Variants in CHST9 observed in about 807,000 individuals in gnomAD.
CHST9 encodes the protein carbohydrate sulfotransferase 9, also known as GalNAc-4-sulfotransferase 2.
CHST9 carries 41 observed loss-of-function variants against 44.4 expected under a neutral mutation model. The observed-to-expected ratio is 0.92, with a 90% CI of 0.72 to 1.20. The LOEUF is 1.20. Ranked by LOEUF, CHST9 falls within the 50% of genes most tolerant of loss-of-function variation. The probability of loss-of-function intolerance (pLI) is 0.00; values close to 1 mark genes in which losing one functional copy is unlikely to be tolerated. For missense variants in CHST9, 504 were observed against 516.5 expected (o/e 0.98, Z 0.23); for synonymous variants, 171 against 178.4 (o/e 0.96, Z 0.33).
intron 2 of CHST9, among the ~76,000 whole-genome samples, chr18:27,089,451 G>C (rs1374564640): frequency 6.6e-6 from 1 of 152,128 alleles, no homozygotes; most frequent in African/African-American, 2.4e-5. Flanking sequence ...CCATGTCCCT[G>C]CAGAGGACAA....
chr18:26,994,372 TTG>T (rs149553721), intron 4 of CHST9, among the ~76,000 whole-genome samples: 1 of 151,626 alleles, frequency 6.6e-6, no homozygotes, highest in Non-Finnish European at 1.5e-5. Context: ...TTACTCTGTG[TTG>T]TGTGTGTGTG....
At chr18:27,165,282 T>A in intron 1 of CHST9, among the ~76,000 whole-genome samples, 1 of 152,128 alleles carries the variant, frequency 6.6e-6, no homozygotes. Context: ...TGCTATTAAC[T>A]TCAGGGAAAA....
intron 3 of CHST9, among the ~76,000 whole-genome samples, chr18:27,037,418 G>C (rs141185321): frequency 8.7e-4 from 132 of 152,306 alleles, no homozygotes; most frequent in African/African-American, 3.0e-3. Flanking sequence ...GCCTGGGCAT[G>C]GTGGCTCACG....
intron 1 of CHST9, among the ~76,000 whole-genome samples, chr18:27,168,576 T>G (rs984660072): frequency 2.0e-5 from 3 of 152,174 alleles, no homozygotes; most frequent in Non-Finnish European, 4.4e-5. Flanking sequence ...AGGGAAATTT[T>G]TGAAGGAGCA....
chr18:27,040,731 T>A (rs1398079346), intron 3 of CHST9, among the ~76,000 whole-genome samples: 1 of 152,182 alleles, frequency 6.6e-6, no homozygotes, highest in Non-Finnish European at 1.5e-5. Context: ...TTTAGAAGGT[T>A]TTAAGTTGCA....
intron 2 of CHST9, among the ~76,000 whole-genome samples, chr18:27,071,858 G>A (rs1033536842): frequency 6.6e-6 from 1 of 152,148 alleles, no homozygotes; most frequent in African/African-American, 2.4e-5. Context: ...ATCAATTATA[G>A]ACATCTTCAC....
intron 5 of CHST9, chr18:26,933,262 C>G: frequency 6.5e-6 from 1 of 153,466 alleles, no homozygotes; most frequent in Middle Eastern, 3.2e-3. Context: ...TAAATTAGTA[C>G]TTTTAACCAA....
At chr18:27,166,166 A>G (rs952989618) in intron 1 of CHST9, among the ~76,000 whole-genome samples, 1 of 152,066 alleles carries the variant, frequency 6.6e-6, no homozygotes, top group Non-Finnish European at 1.5e-5. Flanking sequence ...GGAAATCTCA[A>G]TCTGTATTTC....
At chr18:26,967,122 C>T (rs1190783823) in intron 4 of CHST9, among the ~76,000 whole-genome samples, 8 of 152,162 alleles carry the variant, frequency 5.3e-5, no homozygotes, top group Admixed American at 3.3e-4. Flanking sequence ...TCATGAAAGA[C>T]GTTTCCAATA....
chr18:27,043,694 C>G, intron 3 of CHST9, among the ~76,000 whole-genome samples: 1 of 152,050 alleles, frequency 6.6e-6, no homozygotes, highest in African/African-American at 2.4e-5. Flanking sequence ...GTCAATTTCT[C>G]TTCCAATCCA....
chr18:26,969,242 T>G (rs2056506861), intron 4 of CHST9, among the ~76,000 whole-genome samples: 1 of 152,078 alleles, frequency 6.6e-6, no homozygotes, highest in African/African-American at 2.4e-5. Context: ...GACCTTGTGA[T>G]CCACCCGCCT....
intron 2 of CHST9, among the ~76,000 whole-genome samples, chr18:27,064,764 T>G (rs527804507): frequency 6.6e-6 from 1 of 152,252 alleles, no homozygotes; most frequent in South Asian, 2.1e-4. Context: ...AGGACACTGC[T>G]TGGGGTGAGG....
chr18:26,922,253 G>C lies in CHST9; in HGVS notation c.241-4903C>G, dbSNP rs150732682. On this transcript the variant is annotated intron_variant, in intron 5 of 5. Coordinates refer to ENST00000618847, the MANE Select transcript of CHST9 (RefSeq NM_031422.6). ...TCATGGTCTCCTCCTTTCTTGGGACGTTCAAAATCTTCTAGTTTGATGTAA... is the reference window on the plus strand; with the variant it reads ...TCATGGTCTCCTCCTTTCTTGGGACCTTCAAAATCTTCTAGTTTGATGTAA... Among the ~76,000 whole-genome samples the C allele has an allele frequency of 3.2e-4, 48 of 152,172 alleles. No homozygotes were observed. The South Asian group carries it at 6.2e-3, about 20-fold the overall frequency.
chr18:27,039,064 G>T (rs926275542), intron 3 of CHST9, among the ~76,000 whole-genome samples: 6 of 152,138 alleles, frequency 3.9e-5, no homozygotes, highest in African/African-American at 1.4e-4. Context: ...ACACCAACAA[G>T]TAAATAATGA....
At chr18:26,938,884 T>C (rs746548613) in intron 5 of CHST9, among the ~76,000 whole-genome samples, 2 of 152,232 alleles carry the variant, frequency 1.3e-5, no homozygotes, top group Non-Finnish European at 2.9e-5. Flanking sequence ...ACCTTGTTCC[T>C]GCCTTATAAG....
At chr18:27,033,821 A>G (rs2057364549) in intron 3 of CHST9, among the ~76,000 whole-genome samples, 1 of 152,180 alleles carries the variant, frequency 6.6e-6, no homozygotes, top group South Asian at 2.1e-4. Context: ...ACCAAAACAG[A>G]GCCTATCTAA....
rs1015726293 is a variant in CHST9 at position 27,026,453 on chromosome 18, A to T, written c.161-2296T>A. On this transcript the variant is annotated intron_variant, in intron 3 of 5. Coordinates refer to ENST00000618847, the MANE Select transcript of CHST9 (RefSeq NM_031422.6). ...TGTAAGCATCGATTAAATGATAGGG[A>T]AATAAATACAATTTATTTTTTATCT... Among the ~76,000 whole-genome samples the T allele has an allele frequency of 3.4e-4, 52 of 152,198 alleles. 2 individuals carry two copies. The highest frequency in any genetic ancestry group is 2.9e-5 in the Non-Finnish European group (2 of 68,020).
At chr18:26,981,543 G>A (rs1317693540) in intron 4 of CHST9, among the ~76,000 whole-genome samples, 1 of 152,184 alleles carries the variant, frequency 6.6e-6, no homozygotes, top group Non-Finnish European at 1.5e-5. Flanking sequence ...TCGTTGTTCA[G>A]GAATACATGT....
intron 4 of CHST9, among the ~76,000 whole-genome samples, chr18:27,021,304 C>T (rs758118361): frequency 3.3e-5 from 5 of 152,092 alleles, no homozygotes; most frequent in African/African-American, 4.8e-5. Context: ...GCTGCTCAGC[C>T]CTTTGCACAA....
Sources: gnomAD v4.1 joint callset for allele counts (sites outside exome capture counted in the v4.1 genomes callset) on GRCh38, gnomAD v4.1.1 for gene constraint, MANE v1.5 for transcripts, NCBI Gene and HGNC (gene_info 2026-07-23, HGNC 2026-07-21) for gene names.